The following KRT75 variants were observed in gnomAD, a reference collection of about 807,000 sequenced individuals.
KRT75 encodes keratin, type II cytoskeletal 75.
Under a neutral mutation model 48.8 loss-of-function variants are expected in KRT75, and 35 were observed. The ratio of observed to expected loss-of-function variants is 0.72; its 90% CI spans 0.55 to 0.95. KRT75 has a LOEUF of 0.95. Among genes scored for constraint, KRT75 ranks in the 40% least tolerant of loss-of-function variants. KRT75 has a pLI of 0.00. For missense variants in KRT75, 776 were observed against 709.9 expected (o/e 1.09, Z -1.06); for synonymous variants, 301 against 282.3 (o/e 1.07, Z -0.66).
chr12:52,429,454 T>C (rs949725342), intron 5 of KRT75, among the ~76,000 whole-genome samples: 12 of 152,196 alleles, frequency 7.9e-5, no homozygotes, highest in African/African-American at 2.7e-4. Context: ...AATTACACCC[T>C]GTCTCCTCCA....
At chr12:52,430,928 A>T (rs1940136998) in intron 4 of KRT75, among the ~76,000 whole-genome samples, 4 of 152,140 alleles carry the variant, frequency 2.6e-5, no homozygotes, top group Admixed American at 2.6e-4. Flanking sequence ...CCCAGGCATG[A>T]GGGTGGGTAA....
chr12:52,424,493 G>T lies in KRT75; in HGVS notation c.*24C>A. 1.3e-6 allele frequency: 2 copies of T among 1,599,158 alleles called. No individual in the cohort carries two copies. Among genetic ancestry groups the T allele is most frequent in the Non-Finnish European group, 1.7e-6 (2 of 1,166,288 alleles). On this transcript the variant is annotated 3_prime_UTR_variant, in exon 9 of 9. Transcript: ENST00000252245. ...TGACTGCAAACAGGCCTCAAGGCAG[G>T]GTAGAGGGAGCCATGGGGCTCTCTT...
chr12:52,429,844 G>C lies in KRT75; in HGVS notation c.1035+697C>G, dbSNP rs534300165. Reference sequence around the variant, plus strand: ...CCAAGAGGGGTCTGGATTTGACAGGGAGCTGGTATCATGGGTCAATTGTAC... The same window carrying C: ...CCAAGAGGGGTCTGGATTTGACAGGCAGCTGGTATCATGGGTCAATTGTAC... On this transcript the variant is annotated intron_variant, in intron 5 of 8. Transcript: ENST00000252245. 4.3e-4 allele frequency among the ~76,000 whole-genome samples: 65 copies of C among 152,318 alleles called. 1 individual carries two copies. In the South Asian group the frequency reaches 0.013, roughly 30 times the overall value.
rs955337566 is a variant in KRT75 at position 52,424,680 on chromosome 12, C to T, written c.1493G>A (p.Gly498Glu). 3 of 1,614,074 alleles carry T rather than the reference C, an allele frequency of 1.9e-6. No homozygotes were observed. Among genetic ancestry groups the T allele is most frequent in the African/African-American group, 2.7e-5 (2 of 74,942 alleles). ...GGTGGTGAAGGAGTAGCCGCTGCCC[C>T]CACCGAGGCCCAGGTTTCCACCTCC... ...SIGGGNLGLG[G>E]GSGYSFTTSG... is the part of the protein sequence containing the mutation. The change falls in exon 9 of 9, where the codon GGG (glycine) becomes GAG (glutamate). Residue 498 changes from glycine to glutamate, a missense_variant. Transcript: ENST00000252245.
At position 52,433,987 on chromosome 12, in the gene KRT75, T is replaced by A. The variant is rs1174760895; in HGVS notation, c.318A>T (p.Gly106=). 3.7e-6 allele frequency: 6 copies of A among 1,614,086 alleles called. No homozygotes were observed. In the South Asian group the frequency reaches 6.6e-5, roughly 18 times the overall value. The change falls in exon 1 of 9, where the codon GGA becomes GGT. Residue 106 remains glycine, a synonymous_variant. Coordinates refer to ENST00000252245, the MANE Select transcript of KRT75 (RefSeq NM_004693.3). ...SGFGYGGGVG[G]GFSGPSFPVC... ...CGGGGAAGCTGGGGCCACTGAAGCCTCCTCCAACTCCACCCCCATAGCCAA... is the reference window on the plus strand; with the variant it reads ...CGGGGAAGCTGGGGCCACTGAAGCCACCTCCAACTCCACCCCCATAGCCAA...
chr12:52,430,762 C>T (rs759044072), intron 4 of KRT75, 57 bp from the exon 5 acceptor site: 20 of 1,596,872 alleles, frequency 1.3e-5, no homozygotes, highest in South Asian at 2.2e-5. Flanking sequence ...CTTAAATCTT[C>T]GTGGTTAACT....
chr12:52,427,798 AG>A (rs1482437024), intron 7 of KRT75, among the ~76,000 whole-genome samples: 1 of 152,212 alleles, frequency 6.6e-6, no homozygotes, highest in Non-Finnish European at 1.5e-5. Flanking sequence ...CAGAGCACAA[AG>A]CTCCCATGAA....
chr12:52,431,255 G>C (rs1940140747), intron 4 of KRT75, among the ~76,000 whole-genome samples: 1 of 151,902 alleles, frequency 6.6e-6, no homozygotes, highest in Non-Finnish European at 1.5e-5. Flanking sequence ...TTGATTCCTT[G>C]GGAAATTACC....
In KRT75 at chr12:52,433,792, G is replaced by A; in HGVS notation, c.498+15C>T. ...TGATCCCAAACCCAAGGGGGTGGAT[G>A]AAGCCCCTGCTTACCTTGTCGATGA... is the stretch of plus-strand genomic sequence containing the variant. On this transcript the variant is annotated intron_variant, in intron 1 of 8. Coordinates refer to ENST00000252245, the MANE Select transcript of KRT75 (RefSeq NM_004693.3). The A allele has an allele frequency of 1.2e-6, 2 of 1,614,088 alleles. No homozygotes were observed. Among genetic ancestry groups the A allele is most frequent in the Non-Finnish European group, 1.7e-6 (2 of 1,179,978 alleles).
chr12:52,431,908 T>G, intron 3 of KRT75, 98 bp downstream of exon 3: 1 of 1,127,854 alleles, frequency 8.9e-7, no homozygotes, highest in Non-Finnish European at 1.3e-6. Context: ...AAGGTTGATG[T>G]GACATTTCTT....
chr12:52,426,743 C>T (rs1181642161), intron 8 of KRT75, 74 bp downstream of exon 8: 2 of 1,450,220 alleles, frequency 1.4e-6, no homozygotes, highest in Non-Finnish European at 1.9e-6. Flanking sequence ...TCTTCACCCT[C>T]TGGCAAGCCC....
rs1404796299 is a variant in KRT75, at chr12:52,434,194, C to T, written c.111G>A (p.Val37=). The T allele has an allele frequency of 1.2e-6, 2 of 1,608,480 alleles. No homozygotes were observed. Among genetic ancestry groups the T allele is most frequent in the African/African-American group, 1.3e-5 (1 of 74,854 alleles). ...AGRSRFSSVS[V]ARSAAGSGGL... ...CCCCACTCCCTGCTGCAGAGCGGGC[C>T]ACAGAGACAGAGCTGAAGCGGGAGC... Residue 37 remains valine, a synonymous_variant, in exon 1 of 9, where the codon GTG becomes GTA. Coordinates refer to ENST00000252245, the MANE Select transcript of KRT75 (RefSeq NM_004693.3).
At position 52,430,698 on chromosome 12, in the gene KRT75, G is replaced by C; in HGVS notation, c.878C>G (p.Ser293Cys). 3 of 1,614,182 alleles carry C rather than the reference G, an allele frequency of 1.9e-6. 1 individual carries two copies. Among genetic ancestry groups the C allele is most frequent in the South Asian group, 2.2e-5 (2 of 91,082 alleles). ...FIHSVFDAEL[S>C]QLQTQVGDTS... ...GTCACCGACCTGGGTCTGCAACTGG[G>C]ACAGCTCCTGCAGGGCAGTAAACTC... Residue 293 changes from serine (S) to cysteine (C), a missense_variant, in exon 5 of 9, where the codon TCC becomes TGC. By Grantham distance (112) the Ser-to-Cys change is moderately radical. Transcript: ENST00000252245.
intron 5 of KRT75, among the ~76,000 whole-genome samples, chr12:52,430,285 C>A (rs887106607): frequency 2.4e-4 from 36 of 152,110 alleles, no homozygotes; most frequent in Admixed American, 2.0e-3. Flanking sequence ...GTGTCTCACC[C>A]TGCTCCCACC....
chr12:52,432,095 T>C (rs1302989172), intron 2 of KRT75, 29 bp from the exon 3 acceptor site: 1 of 1,612,852 alleles, frequency 6.2e-7, no homozygotes, highest in Non-Finnish European at 8.5e-7. Flanking sequence ...GGGTGTGCTG[T>C]TGAGCAAGTC....
chr12:52,428,212 G>A, intron 7 of KRT75, 44 bp downstream of exon 7: 1 of 1,609,416 alleles, frequency 6.2e-7, no homozygotes, highest in Non-Finnish European at 8.5e-7. Flanking sequence ...AAGCTGAGGT[G>A]AGCTCAACTT....
Position 52,424,336 on chromosome 12 carries a change from C to A in KRT75, c.*181G>T. 1.4e-6 allele frequency: 1 copy of A among 718,648 alleles called. No individual in the cohort carries two copies. The highest frequency in any genetic ancestry group is 2.5e-6 in the Non-Finnish European group (1 of 394,482). 44.5% of individuals were successfully genotyped at this position (718,648 alleles called of 1,614,324 possible). A position where few individuals can be genotyped will look rare whatever the true frequency, so the allele number is the denominator to read the frequency against. ...ATGTGTAACAGACGGGTGCTGCTGGCAGTCTGGGCACTGTCAGGAGGGAGA... is the reference window on the plus strand; with the variant it reads ...ATGTGTAACAGACGGGTGCTGCTGGAAGTCTGGGCACTGTCAGGAGGGAGA... On this transcript the variant is annotated 3_prime_UTR_variant, in exon 9 of 9. Coordinates refer to ENST00000252245, the MANE Select transcript of KRT75 (RefSeq NM_004693.3).
At chr12:52,428,794 C>A (rs541543639) in intron 5 of KRT75, 51 bp from the exon 6 acceptor site, 1 of 1,612,392 alleles carries the variant, frequency 6.2e-7, no homozygotes, top group Non-Finnish European at 8.5e-7. Flanking sequence ...CTGGCCCAGG[C>A]ACTCGCTGTG....
At position 52,429,324 on chromosome 12, in the gene KRT75, T is replaced by C. The variant is rs564993515; in HGVS notation, c.1036-581A>G. ...ACAGGGAGGAGATATGGGGGAATGG[T>C]GTGGGATGGTGCAGAGGCTGTGGAA... On this transcript the variant is annotated intron_variant, in intron 5 of 8. Coordinates refer to ENST00000252245, the MANE Select transcript of KRT75 (RefSeq NM_004693.3). Among the ~76,000 whole-genome samples the C allele has an allele frequency of 2.0e-5, 3 of 152,184 alleles. No individual in the cohort carries two copies. In the South Asian group the frequency reaches 6.2e-4, roughly 32 times the overall value.
Sources: allele counts gnomAD v4.1 joint callset (sites outside exome capture counted in the v4.1 genomes callset), GRCh38; gene constraint gnomAD v4.1.1; transcripts MANE v1.5; gene names NCBI Gene and HGNC (gene_info 2026-07-23, HGNC 2026-07-21).